RPTOR: variants seen among roughly 807,000 people sequenced by gnomAD.
RPTOR encodes regulatory associated protein of MTOR complex 1.
RPTOR carries 21 observed loss-of-function variants against 169.9 expected under a neutral mutation model. That is an observed-to-expected ratio of 0.12 (90% CI 0.09 to 0.18). RPTOR has a LOEUF of 0.18. Among genes scored for constraint, RPTOR ranks in the 10% least tolerant of loss-of-function variants. The pLI, the probability that RPTOR is intolerant of heterozygous loss-of-function variation, is 1.00. For missense variants in RPTOR, 1,133 were observed against 1,855.9 expected (o/e 0.61, Z 7.16); for synonymous variants, 732 against 753.2 (o/e 0.97, Z 0.46).
chr17:80,893,459 G>A (rs1009232253), intron 19 of RPTOR, among the ~76,000 whole-genome samples: 9 of 140,608 alleles, frequency 6.4e-5, no homozygotes, highest in South Asian at 2.3e-4. Flanking sequence ...GTGTATACGC[G>A]CCAGGTTGTG....
chr17:80,843,370 A>C (rs893384416), intron 10 of RPTOR, among the ~76,000 whole-genome samples: 5 of 152,170 alleles, frequency 3.3e-5, no homozygotes, highest in African/African-American at 1.2e-4. Flanking sequence ...GCAGTGAGCC[A>C]AGATCATGCC....
At chr17:80,647,962 G>A (rs568289974) in intron 3 of RPTOR, among the ~76,000 whole-genome samples, 5 of 152,252 alleles carry the variant, frequency 3.3e-5, no homozygotes, top group South Asian at 2.1e-4. Context: ...TCAGTTCACC[G>A]TGCTTCTCAG....
At chr17:80,784,269 A>G (rs2066969779) in intron 6 of RPTOR, among the ~76,000 whole-genome samples, 2 of 151,756 alleles carry the variant, frequency 1.3e-5, no homozygotes, top group South Asian at 4.2e-4. Context: ...TTTTAAATTT[A>G]GTTACAAATA....
Position 80,960,210 on chromosome 17 carries a change from C to T in RPTOR, c.3605+5C>T. 6.2e-7 allele frequency: 1 copy of T among 1,613,410 alleles called. No homozygotes were observed. Among genetic ancestry groups the T allele is most frequent in the Non-Finnish European group, 8.5e-7 (1 of 1,179,972 alleles). ...AAGGATGGCACTCAGCGAATGGTAC[C>T]TTGACCCTGTCCTCTCCCTCCCCGA... On this transcript the variant is annotated splice_donor_5th_base_variant and intron_variant, in intron 30 of 33. Coordinates refer to ENST00000306801, the MANE Select transcript of RPTOR (RefSeq NM_020761.3). The surrounding 1 kb of genome is among the most constrained non-coding windows in gnomAD (Gnocchi z 4.8).
chr17:80,727,050 C>T (rs1369201014), intron 4 of RPTOR, among the ~76,000 whole-genome samples: 4 of 152,070 alleles, frequency 2.6e-5, no homozygotes, highest in African/African-American at 4.8e-5. Flanking sequence ...AGAACGTGGG[C>T]GCTACACCTC....
At chr17:80,841,693 TCTCACTCTCACCGCACGGCAG>T in intron 10 of RPTOR, among the ~76,000 whole-genome samples, 1 of 30,804 alleles carries the variant, frequency 3.2e-5, no homozygotes, top group South Asian at 1.1e-3. Flanking sequence ...CCGCACGGCA[TCTCACTCTCACCGCACGGCAG>T]CTCACTCTCA....
At chr17:80,644,001 G>A (rs978183271) in intron 3 of RPTOR, among the ~76,000 whole-genome samples, 191 bp downstream of exon 3, 40 of 152,388 alleles carry the variant, frequency 2.6e-4, no homozygotes, top group African/African-American at 7.2e-4. Flanking sequence ...TGTCTTGACA[G>A]CGTCCGCATT....
At chr17:80,894,422 T>G (rs1487086752) in intron 20 of RPTOR, among the ~76,000 whole-genome samples, 3 of 152,206 alleles carry the variant, frequency 2.0e-5, no homozygotes, top group Non-Finnish European at 4.4e-5. Context: ...TCCACACAAC[T>G]TTCCCTCCAT....
chr17:80,941,176 C>G (rs2069021579), intron 25 of RPTOR: 1 of 152,908 alleles, frequency 6.5e-6, no homozygotes, highest in African/African-American at 2.4e-5. Flanking sequence ...TAAACCTTCT[C>G]CCAGATTTGC....
At chr17:80,810,047 CAAAATAAATAAATAAA>C (rs2067257799) in intron 7 of RPTOR, among the ~76,000 whole-genome samples, 1 of 116,720 alleles carries the variant, frequency 8.6e-6, no homozygotes, top group South Asian at 2.8e-4. Flanking sequence ...GACTCCATCT[CAAAATAAATAAATAAA>C]TAAATAAATA....
At chr17:80,869,442 CACT>C (rs2068028240) in intron 13 of RPTOR, among the ~76,000 whole-genome samples, 2 of 152,126 alleles carry the variant, frequency 1.3e-5, no homozygotes, top group South Asian at 2.1e-4. Flanking sequence ...AGGCGTGAGC[CACT>C]ACACCTGGCC....
chr17:80,608,381 A>C (rs188578177), intron 1 of RPTOR, among the ~76,000 whole-genome samples: 1 of 152,324 alleles, frequency 6.6e-6, no homozygotes, highest in Non-Finnish European at 1.5e-5. Flanking sequence ...GAGTGCATGG[A>C]AAACTTTGTG....
intron 13 of RPTOR, among the ~76,000 whole-genome samples, chr17:80,859,216 G>A (rs1054994711): frequency 2.6e-5 from 4 of 152,226 alleles, no homozygotes; most frequent in East Asian, 1.9e-4. Context: ...GATGGCAGGC[G>A]AGACCCTCGA....
intron 4 of RPTOR, among the ~76,000 whole-genome samples, chr17:80,720,792 C>T (rs1307224450): frequency 6.9e-6 from 1 of 145,138 alleles, no homozygotes; most frequent in Non-Finnish European, 1.5e-5. Flanking sequence ...CTTCTGTGGC[C>T]GTGGGTGGGG....
At chr17:80,842,759 CT>C (rs1390706759) in intron 10 of RPTOR, among the ~76,000 whole-genome samples, 4 of 152,224 alleles carry the variant, frequency 2.6e-5, no homozygotes, top group Non-Finnish European at 5.9e-5. Flanking sequence ...ACGCTACGCT[CT>C]TTGTCAGCTA....
chr17:80,768,694 TACTAATCG>T (rs990432497), intron 6 of RPTOR, among the ~76,000 whole-genome samples: 3 of 152,180 alleles, frequency 2.0e-5, no homozygotes, highest in African/African-American at 4.8e-5. Flanking sequence ...AAATCATACC[TACTAATCG>T]ACTGACTTAT....
At chr17:80,818,791 A>C (rs2067349656) in intron 7 of RPTOR, among the ~76,000 whole-genome samples, 1 of 152,124 alleles carries the variant, frequency 6.6e-6, no homozygotes, top group South Asian at 2.1e-4. Context: ...GCATTTATTT[A>C]CTGGTGATCA....
At chr17:80,788,750 C>T in intron 6 of RPTOR, among the ~76,000 whole-genome samples, 1 of 152,314 alleles carries the variant, frequency 6.6e-6, no homozygotes, top group East Asian at 1.9e-4. Flanking sequence ...AAAGACAGAA[C>T]AATGGTCGCC....
chr17:80,805,922 G>C (rs1395321850), intron 7 of RPTOR, among the ~76,000 whole-genome samples: 1 of 152,088 alleles, frequency 6.6e-6, no homozygotes, highest in Non-Finnish European at 1.5e-5. Context: ...TGTTAAGTCA[G>C]GGAAACTTCC....
Sources: allele counts gnomAD v4.1 joint callset (sites outside exome capture counted in the v4.1 genomes callset), GRCh38; gene constraint gnomAD v4.1.1; non-coding constraint Gnocchi (gnomAD v3.1); transcripts MANE v1.5; gene names NCBI Gene and HGNC (gene_info 2026-07-23, HGNC 2026-07-21).